MEGF11: variants seen among roughly 807,000 people sequenced by gnomAD.
MEGF11 encodes multiple epidermal growth factor-like domains protein 11.
In MEGF11, 126 loss-of-function variants were observed where a neutral mutation model predicts 146.6. That is an observed-to-expected ratio of 0.86 (90% CI 0.74 to 1.00). The LOEUF is 1.00. Among genes scored for constraint, MEGF11 ranks in the 50% least tolerant of loss-of-function variants. The pLI is 0.00. For missense variants in MEGF11, 1,509 were observed against 1,521.2 expected, an observed-to-expected ratio of 0.99 and a Z score of 0.13; for synonymous variants, 532 against 583.4, an observed-to-expected ratio of 0.91 and a Z score of 1.27.
intron 21 of MEGF11, among the ~76,000 whole-genome samples, chr15:65,911,651 TC>T (rs949808518): frequency 2.6e-4 from 39 of 152,330 alleles, no homozygotes; most frequent in African/African-American, 9.4e-4. Flanking sequence ...GACCTTGTGA[TC>T]CGCCTGCCTC....
intron 5 of MEGF11, among the ~76,000 whole-genome samples, chr15:66,029,441 A>G (rs1229656993): frequency 6.6e-6 from 1 of 152,142 alleles, no homozygotes; most frequent in Non-Finnish European, 1.5e-5. Context: ...TGTGCCTGAG[A>G]CAGTCCCAGT....
At chr15:66,091,188 C>T (rs2086305434) in intron 5 of MEGF11, among the ~76,000 whole-genome samples, 1 of 152,186 alleles carries the variant, frequency 6.6e-6, no homozygotes, top group Non-Finnish European at 1.5e-5. Context: ...ATACTTGTCT[C>T]CACAGATTTG....
At chr15:66,040,909 G>C in intron 5 of MEGF11, among the ~76,000 whole-genome samples, 1 of 92,722 alleles carries the variant, frequency 1.1e-5, no homozygotes, top group Non-Finnish European at 2.2e-5. Flanking sequence ...CTCAGAGGAA[G>C]GGACTTTTTT....
chr15:65,967,633 A>G (rs2081151320), intron 8 of MEGF11, among the ~76,000 whole-genome samples: 1 of 152,088 alleles, frequency 6.6e-6, no homozygotes, highest in African/African-American at 2.4e-5. Context: ...GAGAGCAGCC[A>G]GTGTGTGGGG....
In MEGF11 at chr15:66,177,135, G is replaced by A. The variant is rs143025578; in HGVS notation, c.-8-48724C>T. On this transcript the variant is annotated intron_variant, in intron 1 of 25. Transcript: ENST00000395614. ...CAAAGGGAGCTCAGAAAACCCCAGA[G>A]GTCCTTTTGGGGTCCTTATCTTCCC... Among the ~76,000 whole-genome samples the A allele has an allele frequency of 4.6e-5, 7 of 152,262 alleles. No homozygotes were observed. In the East Asian group the frequency reaches 1.4e-3, roughly 29 times the overall value.
At chr15:66,009,299 G>A (rs1302448577) in intron 5 of MEGF11, among the ~76,000 whole-genome samples, 2 of 149,130 alleles carry the variant, frequency 1.3e-5, no homozygotes, top group Non-Finnish European at 3.0e-5. Flanking sequence ...TACCAGTAGA[G>A]GAAAGACCAG....
At chr15:66,195,200 GCCCA>G (rs1276609315) in intron 1 of MEGF11, among the ~76,000 whole-genome samples, 1 of 152,112 alleles carries the variant, frequency 6.6e-6, no homozygotes. Context: ...TGGATTTAGG[GCCCA>G]CCCATATGAA....
chr15:66,195,430 G>A (rs183199483), intron 1 of MEGF11, among the ~76,000 whole-genome samples: 106 of 152,306 alleles, frequency 7.0e-4, no homozygotes, highest in African/African-American at 2.5e-3. Context: ...AAGTCACATC[G>A]GGGTTGTGTC....
At chr15:66,003,501 C>A (rs528186746) in intron 5 of MEGF11, among the ~76,000 whole-genome samples, 44 of 152,076 alleles carry the variant, frequency 2.9e-4, no homozygotes, top group Admixed American at 9.2e-4. Context: ...GCCAGTGAAG[C>A]CTGAGAGTTG....
At chr15:66,225,609 A>G (rs532103974) in intron 1 of MEGF11, among the ~76,000 whole-genome samples, 2 of 152,302 alleles carry the variant, frequency 1.3e-5, no homozygotes, top group African/African-American at 4.8e-5. Context: ...TTATGTTTAC[A>G]AGCACACATT....
intron 5 of MEGF11, among the ~76,000 whole-genome samples, chr15:66,009,860 C>T (rs1307336563): frequency 1.3e-5 from 2 of 152,120 alleles, no homozygotes; most frequent in African/African-American, 2.4e-5. Flanking sequence ...TCCCAAAGTG[C>T]TGGGATTACA....
chr15:66,241,517 G>A (rs1478634157), intron 1 of MEGF11, among the ~76,000 whole-genome samples: 1 of 152,238 alleles, frequency 6.6e-6, no homozygotes, highest in Admixed American at 6.5e-5. Context: ...CACCTCGGAA[G>A]CATTCTTAGG....
chr15:66,116,185 G>A (rs2087720156), intron 4 of MEGF11, among the ~76,000 whole-genome samples: 1 of 152,156 alleles, frequency 6.6e-6, no homozygotes, highest in Non-Finnish European at 1.5e-5. Flanking sequence ...GCCCCGTGAA[G>A]CAGGTGGCAG....
At chr15:65,980,752 C>A in intron 7 of MEGF11, 26 bp downstream of exon 7, 1 of 1,572,692 alleles carries the variant, frequency 6.4e-7, no homozygotes, top group Admixed American at 1.9e-5. Flanking sequence ...TCCAGTGCCC[C>A]ACCCAGATCC....
intron 1 of MEGF11, among the ~76,000 whole-genome samples, chr15:66,192,852 C>A (rs184209167): frequency 6.6e-6 from 1 of 152,200 alleles, no homozygotes; most frequent in Admixed American, 6.5e-5. Flanking sequence ...ATTTTGCCTC[C>A]GTCTGTGATG....
At chr15:65,989,391 T>C (rs1277237301) in intron 5 of MEGF11, among the ~76,000 whole-genome samples, 1 of 152,132 alleles carries the variant, frequency 6.6e-6, no homozygotes, top group Admixed American at 6.5e-5. Flanking sequence ...TCTCCAGCAA[T>C]GGGAAGGCCT....
chr15:66,227,058 T>G (rs996660820), intron 1 of MEGF11, among the ~76,000 whole-genome samples: 1 of 152,196 alleles, frequency 6.6e-6, no homozygotes, highest in Non-Finnish European at 1.5e-5. Flanking sequence ...CGGAGGCCTC[T>G]GAAAAGCCTT....
intron 5 of MEGF11, among the ~76,000 whole-genome samples, chr15:65,994,580 G>A (rs2082146335): frequency 6.6e-6 from 1 of 152,222 alleles, no homozygotes; most frequent in South Asian, 2.1e-4. Flanking sequence ...GGGTTCACAG[G>A]CACCAGGGAG....
At chr15:66,189,316 G>A (rs948819732) in intron 1 of MEGF11, among the ~76,000 whole-genome samples, 3 of 152,064 alleles carry the variant, frequency 2.0e-5, no homozygotes, top group Non-Finnish European at 2.9e-5. Flanking sequence ...TGAGGGGAGG[G>A]GGACAGATGC....
Sources: gnomAD v4.1 joint callset for allele counts (sites outside exome capture counted in the v4.1 genomes callset) on GRCh38, gnomAD v4.1.1 for gene constraint, MANE v1.5 for transcripts, NCBI Gene and HGNC (gene_info 2026-07-23, HGNC 2026-07-21) for gene names.